The following WAC variants were observed in gnomAD, a reference collection of about 807,000 sequenced individuals.
WAC encodes WW domain-containing adapter protein with coiled-coil.
Under a neutral mutation model 79.6 loss-of-function variants are expected in WAC, and 11 were observed. The observed-to-expected ratio is 0.14, with a 90% CI of 0.09 to 0.23. The LOEUF (loss-of-function observed/expected upper bound fraction) is 0.23, where lower values mean the gene tolerates loss of function less well. WAC is among the 10% of genes least tolerant of loss of function. The pLI is 1.00. For missense variants in WAC, 728 were observed against 773.5 expected (o/e 0.94, Z 0.70); for synonymous variants, 304 against 276.9 (o/e 1.10, Z -0.97).
chr10:28,538,628 C>T (rs986658356), intron 3 of WAC, among the ~76,000 whole-genome samples: 10 of 148,132 alleles, frequency 6.8e-5, no homozygotes, highest in Non-Finnish European at 1.2e-4. Context: ...AGCTGCTCAT[C>T]TCTGTAATGC....
At chr10:28,611,078 A>C in intron 9 of WAC, 1 of 556,822 alleles carries the variant, frequency 1.8e-6, no homozygotes, top group Non-Finnish European at 3.0e-6. Context: ...GACAGTATTT[A>C]ATTCAGACTT....
At chr10:28,558,508 G>A (rs993865595) in intron 3 of WAC, among the ~76,000 whole-genome samples, 2 of 151,992 alleles carry the variant, frequency 1.3e-5, no homozygotes, top group African/African-American at 2.4e-5. Flanking sequence ...TTAGGAAGCC[G>A]GGTTTGTTTA....
At chr10:28,544,702 A>T (rs1033341538) in intron 3 of WAC, among the ~76,000 whole-genome samples, 1 of 152,118 alleles carries the variant, frequency 6.6e-6, no homozygotes, top group Non-Finnish European at 1.5e-5. Context: ...GAACATTCTA[A>T]CTTGGAACTT....
chr10:28,588,054 C>G (rs527316861), intron 4 of WAC, among the ~76,000 whole-genome samples: 10 of 152,268 alleles, frequency 6.6e-5, no homozygotes, highest in African/African-American at 2.4e-4. Context: ...CTAGACCATA[C>G]TGACCTCTGG....
intron 13 of WAC, 129 bp downstream of exon 13, chr10:28,617,913 C>T (rs1391906439): frequency 9.2e-7 from 1 of 1,081,760 alleles, no homozygotes; most frequent in Non-Finnish European, 1.2e-6. Context: ...CACATTCTAT[C>T]ACTGCATTTT....
intron 3 of WAC, among the ~76,000 whole-genome samples, chr10:28,566,905 T>G (rs920531562): frequency 6.6e-6 from 1 of 151,978 alleles, no homozygotes; most frequent in African/African-American, 2.4e-5. Context: ...AGATCTTCTT[T>G]TATTTCAGGG....
At chr10:28,569,750 G>A (rs777391135) in intron 3 of WAC, among the ~76,000 whole-genome samples, 2 of 152,150 alleles carry the variant, frequency 1.3e-5, no homozygotes, top group Non-Finnish European at 2.9e-5. Flanking sequence ...CATACATATG[G>A]TTTGTTGGGG....
chr10:28,566,207 C>T (rs1268179322), intron 3 of WAC, among the ~76,000 whole-genome samples: 1 of 151,914 alleles, frequency 6.6e-6, no homozygotes, highest in Non-Finnish European at 1.5e-5. Context: ...CCAGCTTTGG[C>T]ATATAATAAA....
intron 8 of WAC, among the ~76,000 whole-genome samples, chr10:28,609,457 TAAAG>T (rs981414693): frequency 7.9e-5 from 12 of 152,240 alleles, no homozygotes; most frequent in African/African-American, 2.9e-4. Flanking sequence ...ATCCTAAAAA[TAAAG>T]CTATCTCAGG....
Position 28,586,314 on chromosome 10 carries a change from G to A in WAC, c.381+2809G>A, listed in dbSNP as rs115665631. On this transcript the variant is annotated intron_variant, in intron 4 of 13. Coordinates refer to ENST00000354911, the MANE Select transcript of WAC (RefSeq NM_016628.5). ...TCCTCTGATAAACATTTATTGTGGG[G>A]TGTTTACCGCAGAGCCTGGCTTATG... 2.5e-3 allele frequency among the ~76,000 whole-genome samples: 385 copies of A among 152,240 alleles called. 3 individuals are homozygous for A. The highest frequency in any genetic ancestry group is 9.0e-3 in the African/African-American group (374 of 41,530).
intron 13 of WAC, among the ~76,000 whole-genome samples, chr10:28,619,218 T>C (rs1841601047): frequency 6.6e-6 from 1 of 152,164 alleles, no homozygotes; most frequent in Non-Finnish European, 1.5e-5. Context: ...AGGCGGAGAT[T>C]GCAGTGAGTC....
intron 4 of WAC, among the ~76,000 whole-genome samples, chr10:28,585,545 T>C (rs966687520): frequency 2.1e-5 from 3 of 142,304 alleles, no homozygotes; most frequent in African/African-American, 5.1e-5. Context: ...TTTTCCTTTC[T>C]TTTTTTTTTT....
rs753306660 is a variant in WAC at position 28,590,759 on chromosome 10, C to T, written c.537C>T (p.Asn179=). ...AAGAAGCAAACAAGATGGCAGTCAACAGCTTCCCAAAAGATAGGGATTACA... is the reference window on the plus strand; with the variant it reads ...AAGAAGCAAACAAGATGGCAGTCAATAGCTTCCCAAAAGATAGGGATTACA... The part of the protein sequence containing the change: ...RQKEANKMAV[N]SFPKDRDYRR... Residue 179 remains asparagine (N), a synonymous_variant, in exon 6 of 14, where the codon AAC becomes AAT. Coordinates refer to ENST00000354911, the MANE Select transcript of WAC (RefSeq NM_016628.5). 81 of 1,611,396 alleles carry T rather than the reference C, an allele frequency of 5.0e-5. No homozygotes were observed. Among genetic ancestry groups the T allele is most frequent in the Non-Finnish European group, 6.9e-5 (81 of 1,179,246 alleles).
At chr10:28,607,735 T>TA (rs1480207107) in intron 7 of WAC, among the ~76,000 whole-genome samples, 1 of 152,212 alleles carries the variant, frequency 6.6e-6, no homozygotes, top group Non-Finnish European at 1.5e-5. Flanking sequence ...ACCAGTGTCT[T>TA]ATTGAGGTAG....
At chr10:28,540,227 A>G (rs891104626) in intron 3 of WAC, among the ~76,000 whole-genome samples, 2 of 152,220 alleles carry the variant, frequency 1.3e-5, no homozygotes, top group African/African-American at 4.8e-5. Flanking sequence ...CCTTATTTCC[A>G]GTTTTACAAA....
chr10:28,588,926 G>GA (rs1309791895), intron 4 of WAC: 1 of 152,024 alleles, frequency 6.6e-6, no homozygotes, highest in Admixed American at 6.6e-5. Context: ...AAGCTCCTTT[G>GA]AAAAAATAAG....
At chr10:28,545,062 G>A (rs956500315) in intron 3 of WAC, among the ~76,000 whole-genome samples, 7 of 143,166 alleles carry the variant, frequency 4.9e-5, no homozygotes, top group African/African-American at 1.6e-4. Context: ...AAAAAAAAAT[G>A]GTAGTGCAAG....
In WAC at chr10:28,583,441, C is replaced by T; in HGVS notation, c.317C>T (p.Ala106Val). 1.9e-6 allele frequency: 3 copies of T among 1,596,122 alleles called. No individual in the cohort carries two copies. Among genetic ancestry groups the T allele is most frequent in the Non-Finnish European group, 2.6e-6 (3 of 1,173,604 alleles). ...CAAGAAAATTCACACAACCACAGTG[C>T]TCTTCATAGTTCAAATTCACATTCT... ...SPQENSHNHS[A>V]LHSSNSHSSN... The change falls in exon 4 of 14, where the codon GCT (alanine) becomes GTT (valine). Residue 106 changes from alanine (A) to valine (V), a missense_variant. Coordinates refer to ENST00000354911, the MANE Select transcript of WAC (RefSeq NM_016628.5).
chr10:28,536,060 G>A lies in WAC; in HGVS notation c.274+303G>A, dbSNP rs560659131. On this transcript the variant is annotated intron_variant, in intron 3 of 13. Coordinates refer to ENST00000354911, the MANE Select transcript of WAC (RefSeq NM_016628.5). Reference sequence around the variant, plus strand: ...AGTTCAAGACCAGCCTGGCCAGCAGGTGAAAACCCATCTCTACTAAAAATA... The same window carrying A: ...AGTTCAAGACCAGCCTGGCCAGCAGATGAAAACCCATCTCTACTAAAAATA... 3.1e-4 allele frequency: 53 copies of A among 172,004 alleles called. 1 individual carries two copies. The South Asian group carries it at 7.7e-3, about 25-fold the overall frequency. 10.7% of individuals were successfully genotyped at this position (172,004 alleles called of 1,614,324 possible). A position where few individuals can be genotyped will look rare whatever the true frequency, so the allele number is the denominator to read the frequency against.
Sources: allele counts gnomAD v4.1 joint callset (sites outside exome capture counted in the v4.1 genomes callset), GRCh38; gene constraint gnomAD v4.1.1; transcripts MANE v1.5; gene names NCBI Gene and HGNC (gene_info 2026-07-23, HGNC 2026-07-21).